STXBP3: variants seen among roughly 807,000 people sequenced by gnomAD.
STXBP3 encodes syntaxin-binding protein 3.
STXBP3 carries 41 observed loss-of-function variants against 85.7 expected under a neutral mutation model. The observed-to-expected ratio is 0.48, with a 90% CI of 0.37 to 0.62. The LOEUF (loss-of-function observed/expected upper bound fraction) is 0.62, where lower values mean the gene tolerates loss of function less well. Among genes scored for constraint, STXBP3 ranks in the 20% least tolerant of loss-of-function variants. The pLI is 0.00. For missense variants in STXBP3, 563 were observed against 703.1 expected (o/e 0.80, Z 2.25); for synonymous variants, 229 against 231.7 (o/e 0.99, Z 0.10).
At chr1:108,771,388 AAT>A (rs1662397032) in intron 6 of STXBP3, among the ~76,000 whole-genome samples, 1 of 113,190 alleles carries the variant, frequency 8.8e-6, no homozygotes, top group Non-Finnish European at 1.8e-5. Flanking sequence ...ATAATATATA[AAT>A]ATATATGATA....
chr1:108,765,362 T>G (rs916575237), intron 6 of STXBP3, among the ~76,000 whole-genome samples: 1 of 152,240 alleles, frequency 6.6e-6, no homozygotes, highest in Non-Finnish European at 1.5e-5. Flanking sequence ...AAGGGAATTT[T>G]CCTCTTATGG....
At chr1:108,802,941 T>C (rs1306840660) in intron 17 of STXBP3, among the ~76,000 whole-genome samples, 1 of 152,212 alleles carries the variant, frequency 6.6e-6, no homozygotes, top group Non-Finnish European at 1.5e-5. Flanking sequence ...TGCTAGTTGG[T>C]ATATAGTTAT....
At chr1:108,754,033 C>CTTT (rs35931069) in intron 3 of STXBP3, among the ~76,000 whole-genome samples, 2,594 of 133,748 alleles carry the variant, frequency 0.019, 108 homozygotes, top group African/African-American at 0.059. Context: ...ATAAAATAAT[C>CTTT]TTTTTTTTTT....
chr1:108,758,891 C>G (rs1380101396), intron 5 of STXBP3, among the ~76,000 whole-genome samples: 2 of 152,170 alleles, frequency 1.3e-5, no homozygotes, highest in Admixed American at 6.6e-5. Context: ...GTGGAGAGGG[C>G]TAGCCCTCAA....
chr1:108,796,466 T>C, intron 14 of STXBP3, 94 bp downstream of exon 14: 1 of 1,210,154 alleles, frequency 8.3e-7, no homozygotes, highest in Admixed American at 2.7e-5. Flanking sequence ...TTGGTTAAGA[T>C]AAAAGGGAAA....
At chr1:108,783,515 G>A (rs528379499) in intron 11 of STXBP3, among the ~76,000 whole-genome samples, 1 of 152,196 alleles carries the variant, frequency 6.6e-6, no homozygotes, top group African/African-American at 2.4e-5. Context: ...TTTGTGTATA[G>A]TAGTAATACC....
chr1:108,795,557 A>G (rs1224634139), intron 13 of STXBP3, among the ~76,000 whole-genome samples: 1 of 152,024 alleles, frequency 6.6e-6, no homozygotes, highest in Non-Finnish European at 1.5e-5. Flanking sequence ...TCAACATATA[A>G]TCAGTATAAA....
At chr1:108,765,268 CCTT>C (rs1390735504) in intron 6 of STXBP3, among the ~76,000 whole-genome samples, 1 of 152,206 alleles carries the variant, frequency 6.6e-6, no homozygotes, top group Non-Finnish European at 1.5e-5. Flanking sequence ...TGTTGCAAAA[CCTT>C]CTTTTCTGTT....
At chr1:108,798,920 G>A (rs1663173238) in intron 16 of STXBP3, among the ~76,000 whole-genome samples, 1 of 152,116 alleles carries the variant, frequency 6.6e-6, no homozygotes, top group African/African-American at 2.4e-5. Context: ...CAATATTCTT[G>A]GAAATGTTTT....
At position 108,760,247 on chromosome 1, in the gene STXBP3, G is replaced by C. The variant is rs576900735; in HGVS notation, c.438+162G>C. Reference sequence around the variant, plus strand: ...TCCCATGATGAAGTCAGACGCGTGAGCAATAAATTGGAATTAAAAATGAAT... The same window carrying C: ...TCCCATGATGAAGTCAGACGCGTGACCAATAAATTGGAATTAAAAATGAAT... On this transcript the variant is annotated intron_variant, in intron 6 of 18. Coordinates refer to ENST00000370008, the MANE Select transcript of STXBP3 (RefSeq NM_007269.4). Among the ~76,000 whole-genome samples, 3 of 152,198 alleles carry C rather than the reference G, an allele frequency of 2.0e-5. No individual in the cohort carries two copies. The East Asian group carries it at 5.8e-4, about 29-fold the overall frequency.
chr1:108,774,640 C>CATT (rs1662546746), intron 7 of STXBP3, among the ~76,000 whole-genome samples: 2 of 92,608 alleles, frequency 2.2e-5, no homozygotes, highest in East Asian at 6.8e-4. Flanking sequence ...TCTTTCTTTC[C>CATT]TTTTTTTTTT....
chr1:108,757,454 C>G (rs538426717), intron 4 of STXBP3, among the ~76,000 whole-genome samples: 1 of 151,920 alleles, frequency 6.6e-6, no homozygotes, highest in East Asian at 1.9e-4. Flanking sequence ...ATGTTGGCTG[C>G]TAGTGGGTTT....
At chr1:108,761,024 C>T (rs976459364) in intron 6 of STXBP3, among the ~76,000 whole-genome samples, 2 of 152,138 alleles carry the variant, frequency 1.3e-5, no homozygotes, top group Non-Finnish European at 2.9e-5. Context: ...CTGCCTCAGC[C>T]TCCCAAGTAG....
Position 108,758,781 on chromosome 1 carries a change from A to G in STXBP3, c.337+193A>G, listed in dbSNP as rs868168320. On this transcript the variant is annotated intron_variant, in intron 5 of 18. Transcript: ENST00000370008. ...AATCTAAAAATGTAAGATTATATCT[A>G]TCCTAATTCATATTAAGGTGATAGA... Among the ~76,000 whole-genome samples the G allele has an allele frequency of 9.9e-5, 15 of 152,220 alleles. 1 individual carries two copies. In the South Asian group the frequency reaches 2.5e-3, roughly 25 times the overall value.
Position 108,771,870 on chromosome 1 carries a change from CAT to C in STXBP3, c.439-789_439-788del, listed in dbSNP as rs1271351288. On this transcript the variant is annotated intron_variant, in intron 6 of 18. Coordinates refer to ENST00000370008, the MANE Select transcript of STXBP3 (RefSeq NM_007269.4). ...ATACATATGATATCTATCTATATATCATATATAAATACATATGATATCTATCT... is the reference window on the plus strand; with the variant it reads ...ATACATATGATATCTATCTATATATCATATAAATACATATGATATCTATCT... 1.9e-4 allele frequency among the ~76,000 whole-genome samples: 15 copies of C among 77,490 alleles called. 1 individual carries two copies. The highest frequency in any genetic ancestry group is 8.9e-4 in the African/African-American group (15 of 16,942). The allele number at this position is 77,490 out of a possible 152,430, so 50.8% of individuals were successfully genotyped here. A position where few individuals can be genotyped will look rare whatever the true frequency, so the allele number is the denominator to read the frequency against.
intron 17 of STXBP3, among the ~76,000 whole-genome samples, chr1:108,803,511 C>T (rs1557816614): frequency 6.6e-6 from 1 of 151,946 alleles, no homozygotes; most frequent in South Asian, 2.1e-4. Context: ...TTTTCCAAGA[C>T]AGAGTCTTGC....
intron 7 of STXBP3, among the ~76,000 whole-genome samples, chr1:108,773,902 T>A (rs1206476105): frequency 6.6e-6 from 1 of 152,092 alleles, no homozygotes; most frequent in Non-Finnish European, 1.5e-5. Flanking sequence ...ACGTGCTAGA[T>A]ATGGCATGTT....
At chr1:108,794,393 T>A (rs562461835) in intron 12 of STXBP3, among the ~76,000 whole-genome samples, 151 of 152,296 alleles carry the variant, frequency 9.9e-4, no homozygotes, top group African/African-American at 3.4e-3. Flanking sequence ...AAACTTACAG[T>A]CATGGCAGAA....
intron 6 of STXBP3, among the ~76,000 whole-genome samples, chr1:108,766,172 T>C (rs540076612): frequency 6.6e-6 from 1 of 152,040 alleles, no homozygotes; most frequent in African/African-American, 2.4e-5. Flanking sequence ...TAGCTTTTTT[T>C]TAACTGGAGA....
Sources: gnomAD v4.1 joint callset for allele counts (sites outside exome capture counted in the v4.1 genomes callset) on GRCh38, gnomAD v4.1.1 for gene constraint, MANE v1.5 for transcripts, NCBI Gene and HGNC (gene_info 2026-07-23, HGNC 2026-07-21) for gene names.